POLR3B: variants seen among roughly 807,000 people sequenced by gnomAD.
The protein encoded by POLR3B is RNA polymerase III subunit B, also known as DNA-directed RNA polymerase III subunit RPC2.
A neutral mutation model predicts 147.4 loss-of-function variants in POLR3B; 96 were observed. The ratio of observed to expected loss-of-function variants is 0.65; its 90% CI spans 0.55 to 0.77. The LOEUF (loss-of-function observed/expected upper bound fraction) is 0.77, where lower values mean the gene tolerates loss of function less well. Ranked by LOEUF, POLR3B falls within the 30% of genes least tolerant of loss-of-function variation. The pLI is 0.00. For synonymous variants in POLR3B, 461 were observed against 485.9 expected (o/e 0.95, Z 0.67); for missense variants, 1,036 against 1,413.5 (o/e 0.73, Z 4.28).
chr12:106,471,392 A>G (rs2038089598), intron 23 of POLR3B, among the ~76,000 whole-genome samples: 1 of 152,152 alleles, frequency 6.6e-6, no homozygotes, highest in Non-Finnish European at 1.5e-5. Context: ...TGGCTAGGAA[A>G]GGGAAATCCC....
At chr12:106,433,027 G>A (rs1204918501) in intron 15 of POLR3B, among the ~76,000 whole-genome samples, 1 of 152,128 alleles carries the variant, frequency 6.6e-6, no homozygotes, top group Non-Finnish European at 1.5e-5. Flanking sequence ...CTGTGTGCCT[G>A]TTCTCTCCCT....
chr12:106,471,263 A>G (rs1006142959), intron 23 of POLR3B, among the ~76,000 whole-genome samples: 11 of 152,144 alleles, frequency 7.2e-5, no homozygotes, highest in African/African-American at 2.7e-4. Context: ...CATGAGACCA[A>G]CCAAGCCCAG....
At chr12:106,370,631 GTTT>G (rs1208633414) in intron 6 of POLR3B, among the ~76,000 whole-genome samples, 1 of 126,568 alleles carries the variant, frequency 7.9e-6, no homozygotes. Context: ...TTGTTTTATT[GTTT>G]TTTTTTTTTT....
At chr12:106,416,917 C>T (rs1405110159) in intron 12 of POLR3B, among the ~76,000 whole-genome samples, 1 of 151,950 alleles carries the variant, frequency 6.6e-6, no homozygotes, top group Non-Finnish European at 1.5e-5. Flanking sequence ...CCGAAGCTGC[C>T]CCTCCCTCAT....
intron 23 of POLR3B, among the ~76,000 whole-genome samples, chr12:106,488,532 G>C (rs1455188912): frequency 6.6e-6 from 1 of 152,198 alleles, no homozygotes; most frequent in African/African-American, 2.4e-5. Flanking sequence ...GTATTTTCGA[G>C]TGAAGCCATG....
At chr12:106,358,170 G>GGGGGCCGAGAAGCCCCGCTGCT (rs2036416365) in intron 1 of POLR3B, 2 of 1,437,950 alleles carry the variant, frequency 1.4e-6, no homozygotes, top group Non-Finnish European at 1.8e-6. Flanking sequence ...CAGCCGCTGC[G>GGGGGCCGAGAAGCCCCGCTGCT]GGGGCCGAGA....
chr12:106,490,726 G>A (rs1459468675), intron 23 of POLR3B, among the ~76,000 whole-genome samples: 1 of 152,188 alleles, frequency 6.6e-6, no homozygotes, highest in Admixed American at 6.6e-5. Context: ...ATAACCACCT[G>A]TGTTAGCCTT....
intron 24 of POLR3B, 62 bp from the exon 25 acceptor site, chr12:106,496,690 A>G (rs2038491022): frequency 7.1e-7 from 1 of 1,400,498 alleles, no homozygotes; most frequent in African/African-American, 1.4e-5. Flanking sequence ...CTGGAGATAA[A>G]TAAGCAGAGA....
rs932185882 is a variant in POLR3B, at chr12:106,501,207, C to T, written c.2985-116C>T. 4 of 740,246 alleles carry T rather than the reference C, an allele frequency of 5.4e-6. No homozygotes were observed. In the African/African-American group the frequency reaches 6.9e-5, roughly 13 times the overall value. 45.9% of individuals were successfully genotyped at this position (740,246 alleles called of 1,614,324 possible). Reference sequence around the variant, plus strand: ...TTTTCATTCACTACAGACTGAAAATCATTCTTATCCAGTCAGTCATAAATG... The same window carrying T: ...TTTTCATTCACTACAGACTGAAAATTATTCTTATCCAGTCAGTCATAAATG... On this transcript the variant is annotated intron_variant, in intron 25 of 27. Coordinates refer to ENST00000228347, the MANE Select transcript of POLR3B (RefSeq NM_018082.6).
chr12:106,365,858 CA>C (rs35577793), intron 2 of POLR3B, among the ~76,000 whole-genome samples: 39,793 of 127,700 alleles, frequency 0.31, 6,377 homozygotes, highest in African/African-American at 0.49. Context: ...GACTCTGTCT[CA>C]AAAAAAAAAA....
intron 24 of POLR3B, 126 bp downstream of exon 24, chr12:106,496,284 C>A (rs1177377184): frequency 5.5e-6 from 4 of 730,794 alleles, no homozygotes; most frequent in Non-Finnish European, 1.0e-5. Context: ...TCTTCTGCCC[C>A]TTGCCAGATA....
At position 106,510,004 on chromosome 12, in the gene POLR3B, C is replaced by T. The variant is rs540600406; in HGVS notation, c.*455C>T. 1.6e-4 allele frequency: 26 copies of T among 161,552 alleles called. No individual in the cohort carries two copies. The highest frequency in any genetic ancestry group is 5.5e-4 in the African/African-American group (23 of 41,706). 10.0% of individuals were successfully genotyped at this position (161,552 alleles called of 1,614,324 possible). A position where few individuals can be genotyped will look rare whatever the true frequency, so the allele number is the denominator to read the frequency against. Reference sequence around the variant, plus strand: ...CTGGCTTTTGTCGTGGTGGCTGGCTCGGATAAATTTTCCCAACAATTAAAT... The same window carrying T: ...CTGGCTTTTGTCGTGGTGGCTGGCTTGGATAAATTTTCCCAACAATTAAAT... On this transcript the variant is annotated 3_prime_UTR_variant, in exon 28 of 28. Coordinates refer to ENST00000228347, the MANE Select transcript of POLR3B (RefSeq NM_018082.6).
At chr12:106,373,691 T>C (rs1593004086) in intron 6 of POLR3B, among the ~76,000 whole-genome samples, 1 of 152,102 alleles carries the variant, frequency 6.6e-6, no homozygotes, top group Admixed American at 6.5e-5. Context: ...AAGGCGGAGG[T>C]TGCAGTGAGC....
rs150149597 is a variant in POLR3B at position 106,425,288 on chromosome 12, C to T, written c.1102-1909C>T. Among the ~76,000 whole-genome samples, 3 of 152,294 alleles carry T rather than the reference C, an allele frequency of 2.0e-5. No individual in the cohort carries two copies. In the East Asian group the frequency reaches 5.8e-4, roughly 29 times the overall value. ...GATCTTTGCCCAACCAGGTTTCCTGCTCCTCCCCTAGGGAAAGATGCTTCT... is the reference window on the plus strand; with the variant it reads ...GATCTTTGCCCAACCAGGTTTCCTGTTCCTCCCCTAGGGAAAGATGCTTCT... On this transcript the variant is annotated intron_variant, in intron 12 of 27. Transcript: ENST00000228347.
intron 27 of POLR3B, among the ~76,000 whole-genome samples, chr12:106,507,250 G>C (rs2038702484): frequency 6.6e-6 from 1 of 152,056 alleles, no homozygotes. Context: ...TTTTATTGTT[G>C]TTCACGTCAA....
chr12:106,496,976 G>A (rs928996205), intron 25 of POLR3B, 58 bp downstream of exon 25: 9 of 1,527,936 alleles, frequency 5.9e-6, no homozygotes, highest in Non-Finnish European at 7.2e-6. Flanking sequence ...GGATAGGGGA[G>A]ACAAAGCCTT....
chr12:106,484,933 A>T (rs1015687168), intron 23 of POLR3B, among the ~76,000 whole-genome samples: 2 of 152,038 alleles, frequency 1.3e-5, no homozygotes, highest in African/African-American at 2.4e-5. Context: ...AGACTTGGGG[A>T]GTGACAGAAG....
chr12:106,369,075 C>G (rs543026131), intron 4 of POLR3B, among the ~76,000 whole-genome samples, 200 bp from the exon 5 acceptor site: 1 of 152,178 alleles, frequency 6.6e-6, no homozygotes, highest in East Asian at 1.9e-4. Context: ...TTAAAAGATA[C>G]TTTGATAATA....
At chr12:106,432,191 C>T (rs2037519770) in intron 14 of POLR3B, 127 bp from the exon 15 acceptor site, 1 of 797,808 alleles carries the variant, frequency 1.3e-6, no homozygotes, top group Admixed American at 1.9e-5. Context: ...CGAATCACCA[C>T]AGTATCCCCT....
Sources: gnomAD v4.1 joint callset for allele counts (sites outside exome capture counted in the v4.1 genomes callset) on GRCh38, gnomAD v4.1.1 for gene constraint, MANE v1.5 for transcripts, NCBI Gene and HGNC (gene_info 2026-07-23, HGNC 2026-07-21) for gene names.